Variants in HRH2 observed in about 807,000 individuals in gnomAD.
The protein encoded by HRH2 is histamine H2 receptor.
Under a neutral mutation model 20.1 loss-of-function variants are expected in HRH2, and 4 were observed. The ratio of observed to expected loss-of-function variants is 0.20; its 90% CI spans 0.10 to 0.45. HRH2 has a LOEUF of 0.45. HRH2 is among the 20% of genes least tolerant of loss of function. The pLI, the probability that HRH2 is intolerant of heterozygous loss-of-function variation, is 0.99. For missense variants in HRH2, 250 were observed against 461.6 expected (o/e 0.54, Z 4.20); for synonymous variants, 197 against 200.7 (o/e 0.98, Z 0.16).
At chr5:175,675,943 T>G (rs1368162269) in intron 1 of HRH2, among the ~76,000 whole-genome samples, 2 of 152,198 alleles carry the variant, frequency 1.3e-5, no homozygotes, top group Non-Finnish European at 2.9e-5. Flanking sequence ...CCCTACCCTC[T>G]CACTGCCGCC....
chr5:175,703,377 A>G (rs190134470), intron 2 of HRH2, among the ~76,000 whole-genome samples: 5 of 152,348 alleles, frequency 3.3e-5, no homozygotes, highest in Non-Finnish European at 5.9e-5. Context: ...AAAGTAAACG[A>G]CAATGAAAAT....
In HRH2 at chr5:175,686,253, A is replaced by T. The variant is rs1756169553; in HGVS notation, c.1076+1944A>T. 1 of 152,128 alleles carries T rather than the reference A, an allele frequency of 6.6e-6. No homozygotes were observed. Among genetic ancestry groups the T allele is most frequent in the Admixed American group, 6.5e-5 (1 of 15,276 alleles). 9.4% of individuals were successfully genotyped at this position (152,128 alleles called of 1,614,324 possible). On this transcript the variant is annotated intron_variant, in intron 2 of 2. Coordinates refer to ENST00000636584, the MANE Select transcript of HRH2 (RefSeq NM_001367711.1). This position sits in a 1 kb window ranked among gnomAD's most constrained non-coding sequence, Gnocchi z 4.7. ...GTGGTTCAGCTAGAAGGTGGTTGCCACTCTTGGGTTTAGTCTTGTATATCA... is the reference window on the plus strand; with the variant it reads ...GTGGTTCAGCTAGAAGGTGGTTGCCTCTCTTGGGTTTAGTCTTGTATATCA...
At chr5:175,678,422 G>A (rs113229706) in intron 1 of HRH2, among the ~76,000 whole-genome samples, 184 of 152,358 alleles carry the variant, frequency 1.2e-3, no homozygotes, top group African/African-American at 4.4e-3. Context: ...GAAGGTAGTA[G>A]CATCACCATT....
At chr5:175,706,844 C>A (rs760417184) in intron 2 of HRH2, among the ~76,000 whole-genome samples, 1 of 152,204 alleles carries the variant, frequency 6.6e-6, no homozygotes, top group Non-Finnish European at 1.5e-5. Flanking sequence ...ATCAGGTGGA[C>A]GCTAAAGGCA....
intron 2 of HRH2, among the ~76,000 whole-genome samples, chr5:175,704,908 T>C (rs1213267641): frequency 6.6e-6 from 1 of 151,928 alleles, no homozygotes; most frequent in Non-Finnish European, 1.5e-5. Flanking sequence ...TGCCTTGTGA[T>C]TTTGGTTGTT....
chr5:175,659,505 C>T (rs919031472), intron 1 of HRH2, among the ~76,000 whole-genome samples: 5 of 152,210 alleles, frequency 3.3e-5, no homozygotes, highest in African/African-American at 1.2e-4. Flanking sequence ...ATTACAAGTA[C>T]GGCGTTGGTT....
intron 1 of HRH2, among the ~76,000 whole-genome samples, chr5:175,667,096 G>A (rs1038529931): frequency 1.1e-4 from 17 of 151,948 alleles, no homozygotes; most frequent in African/African-American, 3.9e-4. Flanking sequence ...TGTACCTTAC[G>A]TGTTGTTTTT....
At chr5:175,665,189 G>A (rs1762850697) in intron 1 of HRH2, among the ~76,000 whole-genome samples, 1 of 152,188 alleles carries the variant, frequency 6.6e-6, no homozygotes, top group South Asian at 2.1e-4. Context: ...TTGAAGGAAA[G>A]GAAGGAATCT....
At position 175,686,332 on chromosome 5, in the gene HRH2, T is replaced by C. The variant is rs1406357291; in HGVS notation, c.1076+2023T>C. 6.6e-6 allele frequency: 1 copy of C among 152,252 alleles called. No individual in the cohort carries two copies. The highest frequency in any genetic ancestry group is 1.5e-5 in the Non-Finnish European group (1 of 68,050). The allele number at this position is 152,252 out of a possible 1,614,324, so 9.4% of individuals were successfully genotyped here. The stretch of plus-strand genomic sequence containing the variant: ...CTGGGTTAATAAGCCGCCTTTTCAG[T>C]TGAGTCCTTAAGGGAACTTATTCAT... On this transcript the variant is annotated intron_variant, in intron 2 of 2. Transcript: ENST00000636584. The surrounding 1 kb of genome is among the most constrained non-coding windows in gnomAD (Gnocchi z 4.7).
chr5:175,670,663 C>T (rs1057106646), intron 1 of HRH2, among the ~76,000 whole-genome samples: 5 of 152,228 alleles, frequency 3.3e-5, no homozygotes, highest in South Asian at 2.1e-4. Flanking sequence ...AGCACCGCCA[C>T]AGCCAGGCTG....
chr5:175,707,730 G>A (rs912287238), intron 2 of HRH2, 49 bp from the exon 3 acceptor site: 31 of 117,202 alleles, frequency 2.6e-4, no homozygotes, highest in African/African-American at 3.3e-4. Flanking sequence ...GTCTGCCCCC[G>A]CCTTGCTCTG....
At chr5:175,700,752 G>A (rs1179359388) in intron 2 of HRH2, among the ~76,000 whole-genome samples, 1 of 152,144 alleles carries the variant, frequency 6.6e-6, no homozygotes, top group African/African-American at 2.4e-5. Flanking sequence ...GCCAGGCATG[G>A]TGGCATGCAC....
intron 2 of HRH2, among the ~76,000 whole-genome samples, chr5:175,692,762 G>A (rs539048885): frequency 3.9e-5 from 6 of 152,260 alleles, no homozygotes; most frequent in South Asian, 2.1e-4. Flanking sequence ...ATCGGTGTCC[G>A]GGGACCATTC....
rs1039799196 is a variant in HRH2, at chr5:175,683,329, C to T, written c.96C>T (p.Thr32=). Residue 32 remains threonine, a synonymous_variant, in exon 2 of 3, where the codon ACC becomes ACT. Coordinates refer to ENST00000636584, the MANE Select transcript of HRH2 (RefSeq NM_001367711.1). ...TCCTTGCGGTCCTCATCCTCATCAC[C>T]GTTGCTGGCAATGTGGTCGTCTGTC... The part of the protein sequence containing the change: ...TVVLAVLILI[T]VAGNVVVCLA... 6 of 1,614,010 alleles carry T rather than the reference C, an allele frequency of 3.7e-6. No individual in the cohort carries two copies. The highest frequency in any genetic ancestry group is 2.7e-5 in the African/African-American group (2 of 74,900).
At chr5:175,695,810 G>T (rs1756557072) in intron 2 of HRH2, among the ~76,000 whole-genome samples, 1 of 152,266 alleles carries the variant, frequency 6.6e-6, no homozygotes, top group South Asian at 2.1e-4. Context: ...GAACAGGGAA[G>T]AGGGGAGAGG....
rs1452333262 is a variant in HRH2, at chr5:175,710,152, T to G, written c.*2181T>G. On this transcript the variant is annotated 3_prime_UTR_variant, in exon 3 of 3. Transcript: ENST00000636584. ...GCACTGGCATGGCTGTTTGCGTGATTCCTTGAACGTTGTCTGTCTCTCCTC... is the reference window on the plus strand; with the variant it reads ...GCACTGGCATGGCTGTTTGCGTGATGCCTTGAACGTTGTCTGTCTCTCCTC... 2 of 152,642 alleles carry G rather than the reference T, an allele frequency of 1.3e-5. No homozygotes were observed. The highest frequency in any genetic ancestry group is 3.9e-4 in the East Asian group (2 of 5,184). 9.5% of individuals were successfully genotyped at this position (152,642 alleles called of 1,614,324 possible).
chr5:175,694,912 G>A (rs142878983), intron 2 of HRH2, among the ~76,000 whole-genome samples: 90 of 152,230 alleles, frequency 5.9e-4, no homozygotes, highest in African/African-American at 1.3e-3. Flanking sequence ...TGCCACCTCC[G>A]CCCTGGGTGG....
chr5:175,696,413 C>G (rs957538019), intron 2 of HRH2, among the ~76,000 whole-genome samples: 1 of 152,166 alleles, frequency 6.6e-6, no homozygotes, highest in African/African-American at 2.4e-5. Flanking sequence ...TGCCGTGGGG[C>G]CACCCTGGAC....
At chr5:175,676,289 C>T (rs150238508) in intron 1 of HRH2, among the ~76,000 whole-genome samples, 147 of 152,336 alleles carry the variant, frequency 9.6e-4, no homozygotes, top group Non-Finnish European at 1.6e-3. Context: ...ATGTGTGTGC[C>T]GGAGTACACA....
Sources: gnomAD v4.1 joint callset for allele counts (sites outside exome capture counted in the v4.1 genomes callset) on GRCh38, gnomAD v4.1.1 for gene constraint, Gnocchi (gnomAD v3.1) non-coding constraint, MANE v1.5 for transcripts, NCBI Gene and HGNC (gene_info 2026-07-23, HGNC 2026-07-21) for gene names.